PPFIA1: variants seen among roughly 807,000 people sequenced by gnomAD.
PPFIA1 encodes liprin-alpha-1.
In PPFIA1, 25 loss-of-function variants were observed where a neutral mutation model predicts 149.9. The observed-to-expected ratio is 0.17, with a 90% CI of 0.12 to 0.23. The LOEUF (loss-of-function observed/expected upper bound fraction) is 0.23. Among genes scored for constraint, PPFIA1 ranks in the 10% least tolerant of loss-of-function variants. The pLI is 1.00. For missense variants in PPFIA1, 1,362 were observed against 1,506.5 expected, an observed-to-expected ratio of 0.90 and a Z score of 1.59; for synonymous variants, 549 against 552.8, an observed-to-expected ratio of 0.99 and a Z score of 0.10.
At chr11:70,350,360 TG>T (rs993842283) in intron 16 of PPFIA1, among the ~76,000 whole-genome samples, 1 of 152,246 alleles carries the variant, frequency 6.6e-6, no homozygotes, top group African/African-American at 2.4e-5. Context: ...CTCATCAGCC[TG>T]TTGAGTCTCA....
chr11:70,362,573 C>T (rs1021480566), intron 21 of PPFIA1, 85 bp downstream of exon 21: 11 of 1,373,904 alleles, frequency 8.0e-6, no homozygotes, highest in African/African-American at 2.9e-5. Flanking sequence ...ATTGCTTCTC[C>T]AGTTCCTTAA....
intron 16 of PPFIA1, chr11:70,349,811 G>A (rs985785269): frequency 4.7e-6 from 2 of 429,450 alleles, no homozygotes; most frequent in African/African-American, 4.1e-5. Flanking sequence ...AAAAACAGTT[G>A]TGTATGTATA....
chr11:70,316,153 C>A (rs1325022918), intron 2 of PPFIA1, among the ~76,000 whole-genome samples: 1 of 152,084 alleles, frequency 6.6e-6, no homozygotes, highest in East Asian at 1.9e-4. Context: ...CTCACTGCAG[C>A]CTCTGCCTCC....
intron 26 of PPFIA1, among the ~76,000 whole-genome samples, chr11:70,381,858 G>T (rs892014745): frequency 3.9e-5 from 6 of 152,174 alleles, no homozygotes; most frequent in Admixed American, 1.3e-4. Context: ...TGGTATTTCG[G>T]AGTAGTGTTC....
chr11:70,352,785 G>A lies in PPFIA1; in HGVS notation c.2164-1516G>A, dbSNP rs543436071. 5.8e-5 allele frequency among the ~76,000 whole-genome samples: 8 copies of A among 139,074 alleles called. 1 individual carries two copies. Among genetic ancestry groups the A allele is most frequent in the Admixed American group, 7.2e-5 (1 of 13,906 alleles). 91.2% of individuals were successfully genotyped at this position (139,074 alleles called of 152,430 possible). A position where few individuals can be genotyped will look rare whatever the true frequency, so the allele number is the denominator to read the frequency against. ...GCGTGTGGAGGTGTCGGAGGGCGGC[G>A]TGTGGAGGGGTGGGAGGGCGGCGTG... is the stretch of plus-strand genomic sequence containing the variant. On this transcript the variant is annotated intron_variant, in intron 16 of 27. Transcript: ENST00000253925.
intron 8 of PPFIA1, among the ~76,000 whole-genome samples, chr11:70,331,470 A>G (rs561714036): frequency 1.3e-5 from 2 of 152,110 alleles, no homozygotes; most frequent in East Asian, 3.9e-4. Flanking sequence ...GTGGGCATGT[A>G]CTCCTGGCAG....
At chr11:70,293,692 G>T (rs563293333) in intron 2 of PPFIA1, among the ~76,000 whole-genome samples, 3 of 152,272 alleles carry the variant, frequency 2.0e-5, no homozygotes, top group African/African-American at 7.2e-5. Context: ...GGGCCCTGTA[G>T]TTTAAAGCTT....
chr11:70,343,052 A>G (rs890922931), intron 14 of PPFIA1, among the ~76,000 whole-genome samples: 2 of 148,266 alleles, frequency 1.3e-5, no homozygotes, highest in Admixed American at 6.8e-5. Context: ...GGTTCAAGCA[A>G]TTCTCCTGCC....
rs781371171 is a variant in PPFIA1 at position 70,372,580 on chromosome 11, T to C, written c.3139+6T>C. ...AAGTCAGAGTGAAATAAAAGGTTAG[T>C]ACATGACATTTAATTGATTCGGTTT... is the stretch of plus-strand genomic sequence containing the variant. On this transcript the variant is annotated splice_donor_region_variant and intron_variant, in intron 23 of 27. Coordinates refer to ENST00000253925, the MANE Select transcript of PPFIA1 (RefSeq NM_003626.5). 2 of 1,596,996 alleles carry C rather than the reference T, an allele frequency of 1.3e-6. No individual in the cohort carries two copies. The highest frequency in any genetic ancestry group is 1.7e-5 in the Admixed American group (1 of 59,974).
chr11:70,372,631 G>A (rs556493487), intron 23 of PPFIA1, 57 bp downstream of exon 23: 7 of 1,406,910 alleles, frequency 5.0e-6, no homozygotes, highest in South Asian at 2.4e-5. Flanking sequence ...TGTGTTTGGA[G>A]CCTCAGTGAC....
At chr11:70,312,054 A>C (rs953278678) in intron 2 of PPFIA1, among the ~76,000 whole-genome samples, 1 of 151,564 alleles carries the variant, frequency 6.6e-6, no homozygotes, top group Admixed American at 6.6e-5. Flanking sequence ...CATGTTGCCC[A>C]GGCTGCTCGA....
chr11:70,382,498 T>C (rs1425014061), intron 27 of PPFIA1, among the ~76,000 whole-genome samples: 3 of 152,206 alleles, frequency 2.0e-5, no homozygotes, highest in Middle Eastern at 3.4e-3. Context: ...GGGGAGAGTC[T>C]CTCCTCCTGA....
intron 2 of PPFIA1, among the ~76,000 whole-genome samples, chr11:70,288,459 G>GAA (rs2051303724): frequency 6.6e-6 from 1 of 152,172 alleles, no homozygotes; most frequent in East Asian, 1.9e-4. Context: ...CCTGAGGTGT[G>GAA]ATTGCAGACC....
chr11:70,291,294 A>G (rs2051510286), intron 2 of PPFIA1, among the ~76,000 whole-genome samples: 1 of 152,246 alleles, frequency 6.6e-6, no homozygotes, highest in East Asian at 1.9e-4. Context: ...GGTATCCTAC[A>G]TACCCTTAAA....
At chr11:70,351,809 A>G (rs1400605139) in intron 16 of PPFIA1, among the ~76,000 whole-genome samples, 1 of 152,222 alleles carries the variant, frequency 6.6e-6, no homozygotes, top group Non-Finnish European at 1.5e-5. Flanking sequence ...AAAACCTGAC[A>G]GTTGACCACT....
chr11:70,332,198 G>A (rs2054707721), intron 9 of PPFIA1, 104 bp downstream of exon 9: 11 of 1,366,270 alleles, frequency 8.1e-6, no homozygotes, highest in Middle Eastern at 2.8e-4. Flanking sequence ...ACCTAAATCC[G>A]TGGAAGAGCA....
chr11:70,381,634 G>A (rs768598618), intron 26 of PPFIA1, among the ~76,000 whole-genome samples: 2 of 152,176 alleles, frequency 1.3e-5, no homozygotes, highest in Admixed American at 6.5e-5. Flanking sequence ...TGTACCCGAC[G>A]TCGTTGGCCT....
At chr11:70,308,167 G>A (rs1223892781) in intron 2 of PPFIA1, among the ~76,000 whole-genome samples, 1 of 152,216 alleles carries the variant, frequency 6.6e-6, no homozygotes, top group Non-Finnish European at 1.5e-5. Flanking sequence ...TCCTCTGTCA[G>A]CCTCCTGAGT....
intron 2 of PPFIA1, 40 bp from the exon 3 acceptor site, chr11:70,324,362 G>A (rs756215536): frequency 6.8e-7 from 1 of 1,468,808 alleles, no homozygotes; most frequent in Non-Finnish European, 9.4e-7. Context: ...TCTTTAGGGG[G>A]TCTTTCTTAT....
Sources: gnomAD v4.1 joint callset for allele counts (sites outside exome capture counted in the v4.1 genomes callset) on GRCh38, gnomAD v4.1.1 for gene constraint, MANE v1.5 for transcripts, NCBI Gene and HGNC (gene_info 2026-07-23, HGNC 2026-07-21) for gene names.